The following DZANK1 variants were observed in gnomAD, a reference collection of about 807,000 sequenced individuals.
DZANK1 encodes the protein double zinc ribbon and ankyrin repeat-containing protein 1.
Under a neutral mutation model 94.5 loss-of-function variants are expected in DZANK1, and 91 were observed. The ratio of observed to expected loss-of-function variants is 0.96; its 90% CI spans 0.81 to 1.15. DZANK1 has a LOEUF of 1.15. Among genes scored for constraint, DZANK1 ranks in the 50% most tolerant of loss-of-function variants. DZANK1 has a pLI of 0.00. For missense variants in DZANK1, 903 were observed against 916.4 expected, an observed-to-expected ratio of 0.99 and a Z score of 0.19; for synonymous variants, 312 against 325.3, an observed-to-expected ratio of 0.96 and a Z score of 0.44.
intron 19 of DZANK1, 90 bp downstream of exon 19, chr20:18,389,611 G>GGT (rs779698400): frequency 6.5e-7 from 1 of 1,530,428 alleles, no homozygotes; most frequent in Non-Finnish European, 8.9e-7. Context: ...AACTGAACAG[G>GGT]GTGTGTGTGT....
intron 6 of DZANK1, among the ~76,000 whole-genome samples, chr20:18,450,072 C>A (rs531215638): frequency 7.2e-6 from 1 of 138,486 alleles, no homozygotes; most frequent in African/African-American, 2.7e-5. Flanking sequence ...AGTGAAACTC[C>A]GTCTCAAATA....
At chr20:18,388,416 C>T (rs1476798248) in intron 19 of DZANK1, among the ~76,000 whole-genome samples, 2 of 152,200 alleles carry the variant, frequency 1.3e-5, no homozygotes, top group Non-Finnish European at 2.9e-5. Flanking sequence ...CTGTTCAATG[C>T]CCAGGGCACT....
chr20:18,444,598 A>G (rs983200418), intron 7 of DZANK1, among the ~76,000 whole-genome samples: 1 of 152,216 alleles, frequency 6.6e-6, no homozygotes, highest in African/African-American at 2.4e-5. Flanking sequence ...AACAGTCTTC[A>G]GGATTCACAC....
chr20:18,412,859 C>G lies in DZANK1; in HGVS notation c.1243-24G>C. ...GACTGCCAGGCACATCGGGGCCATG[C>G]GTGAGGCAGAAGACATTTTTAAAAT... is the stretch of plus-strand genomic sequence containing the variant. On this transcript the variant is annotated intron_variant, in intron 12 of 20. Transcript: ENST00000262547. 6.2e-6 allele frequency: 10 copies of G among 1,610,690 alleles called. No individual in the cohort carries two copies. Among genetic ancestry groups the G allele is most frequent in the Non-Finnish European group, 8.5e-6 (10 of 1,177,646 alleles).
chr20:18,451,677 GTC>G (rs2059107080), intron 6 of DZANK1, among the ~76,000 whole-genome samples: 1 of 151,926 alleles, frequency 6.6e-6, no homozygotes, highest in Non-Finnish European at 1.5e-5. Flanking sequence ...ACACCTGCTC[GTC>G]TCTCATCTTT....
chr20:18,428,422 C>T (rs966652055), intron 9 of DZANK1, among the ~76,000 whole-genome samples: 1 of 151,972 alleles, frequency 6.6e-6, no homozygotes, highest in South Asian at 2.1e-4. Context: ...CTCCTGGCCT[C>T]GTGATCTGCC....
intron 6 of DZANK1, among the ~76,000 whole-genome samples, chr20:18,449,790 T>C (rs1439379007): frequency 3.1e-5 from 4 of 129,304 alleles, no homozygotes; most frequent in South Asian, 2.4e-4. Flanking sequence ...AATAAATAAA[T>C]AAACTCGGCT....
Position 18,451,900 on chromosome 20 carries a change from G to A in DZANK1, c.543+715C>T, listed in dbSNP as rs137912042. Reference sequence around the variant, plus strand: ...TAATGTTCTCCCTTTCCTCTTCCATGGTCTAATCTCCATACTGTGGCCAAA... The same window carrying A: ...TAATGTTCTCCCTTTCCTCTTCCATAGTCTAATCTCCATACTGTGGCCAAA... On this transcript the variant is annotated intron_variant, in intron 6 of 20. Coordinates refer to ENST00000262547, the Ensembl canonical transcript of DZANK1. The A allele has an allele frequency of 1.5e-3, 762 of 518,754 alleles. 4 individuals are homozygous for A. The highest frequency in any genetic ancestry group is 0.014 in the African/African-American group (708 of 52,018). 32.1% of individuals were successfully genotyped at this position (518,754 alleles called of 1,614,324 possible). A position where few individuals can be genotyped will look rare whatever the true frequency, so the allele number is the denominator to read the frequency against.
At chr20:18,386,032 T>C (rs1192137924) in intron 19 of DZANK1, among the ~76,000 whole-genome samples, 1 of 151,534 alleles carries the variant, frequency 6.6e-6, no homozygotes, top group Non-Finnish European at 1.5e-5. Context: ...TGACTGGAAG[T>C]AGAAATGAAT....
At chr20:18,421,269 C>A in intron 10 of DZANK1, 1 of 174,978 alleles carries the variant, frequency 5.7e-6, no homozygotes. Context: ...TACATCCCCC[C>A]CGTAAAACTT....
intron 10 of DZANK1, among the ~76,000 whole-genome samples, chr20:18,418,514 G>A (rs1253533482): frequency 2.0e-5 from 3 of 152,164 alleles, no homozygotes; most frequent in Admixed American, 1.3e-4. Context: ...TATTCAGTAT[G>A]TTGAGGAATT....
chr20:18,406,544 C>T (rs762267001), intron 13 of DZANK1, among the ~76,000 whole-genome samples: 8 of 152,252 alleles, frequency 5.3e-5, no homozygotes, highest in Non-Finnish European at 7.3e-5. Flanking sequence ...TAACCACCAG[C>T]AATACCCAGG....
At chr20:18,419,728 G>A (rs755118776) in intron 10 of DZANK1, among the ~76,000 whole-genome samples, 2 of 151,920 alleles carry the variant, frequency 1.3e-5, no homozygotes, top group East Asian at 1.9e-4. Context: ...ACATTTTCAG[G>A]TAAAAGAGAA....
chr20:18,393,794 T>C, exon 17 of DZANK1: 2 of 1,612,134 alleles, frequency 1.2e-6, no homozygotes, highest in Non-Finnish European at 8.5e-7. Flanking sequence ...TCTGAGGTAC[T>C]CTGGCTGTAG....
At chr20:18,449,701 T>C (rs1678765414) in intron 6 of DZANK1, among the ~76,000 whole-genome samples, 1 of 142,964 alleles carries the variant, frequency 7.0e-6, no homozygotes, top group Non-Finnish European at 1.5e-5. Context: ...GAAGTTGTGG[T>C]GAGCCAAGAT....
chr20:18,423,127 T>C (rs1234164370), intron 10 of DZANK1, among the ~76,000 whole-genome samples: 5 of 152,140 alleles, frequency 3.3e-5, no homozygotes, highest in Non-Finnish European at 7.4e-5. Context: ...GTATTACAAG[T>C]GCCTAGAACA....
In DZANK1 at chr20:18,465,391, TAC is replaced by T. The variant is rs746156062; in HGVS notation, c.-19-16_-19-15del. 4 of 1,123,650 alleles carry T rather than the reference TAC, an allele frequency of 3.6e-6. No homozygotes were observed. Among genetic ancestry groups the T allele is most frequent in the South Asian group, 1.8e-5 (1 of 55,732 alleles). 69.6% of individuals were successfully genotyped at this position (1,123,650 alleles called of 1,614,324 possible). A position where few individuals can be genotyped will look rare whatever the true frequency, so the allele number is the denominator to read the frequency against. On this transcript the variant is annotated splice_polypyrimidine_tract_variant and intron_variant, in intron 1 of 20. Transcript: ENST00000262547. Reference sequence around the variant, plus strand: ...CTCTCTCTCTCTCTCTATATATATATACATATAAATTCCAATGTACACAAAAG... The same window carrying T: ...CTCTCTCTCTCTCTCTATATATATATATATAAATTCCAATGTACACAAAAG...
chr20:18,434,926 A>AAACTGGCC (rs1254733105), intron 8 of DZANK1, among the ~76,000 whole-genome samples: 1 of 152,196 alleles, frequency 6.6e-6, no homozygotes, highest in African/African-American at 2.4e-5. Flanking sequence ...ACTGACTGGC[A>AAACTGGCC]AACTGGCCAA....
At chr20:18,419,041 C>T (rs1323210357) in intron 10 of DZANK1, among the ~76,000 whole-genome samples, 2 of 152,050 alleles carry the variant, frequency 1.3e-5, no homozygotes, top group South Asian at 2.1e-4. Context: ...ACAGGTGGAT[C>T]GCTTGAGGTC....
Sources: gnomAD v4.1 joint callset for allele counts (sites outside exome capture counted in the v4.1 genomes callset) on GRCh38, gnomAD v4.1.1 for gene constraint, MANE v1.5 for transcripts, NCBI Gene and HGNC (gene_info 2026-07-23, HGNC 2026-07-21) for gene names.